HRH1: variants seen among roughly 807,000 people sequenced by gnomAD.
HRH1 encodes histamine H1 receptor.
HRH1 carries 6 observed loss-of-function variants against 10.3 expected under a neutral mutation model. The ratio of observed to expected loss-of-function variants is 0.58; its 90% CI spans 0.32 to 1.15. The LOEUF (loss-of-function observed/expected upper bound fraction) is 1.15. HRH1 is among the 50% of genes most tolerant of loss of function. The pLI, the probability that HRH1 is intolerant of heterozygous loss-of-function variation, is 0.05. For synonymous variants in HRH1, 242 were observed against 236.7 expected (o/e 1.02, Z -0.21); for missense variants, 514 against 615.3 (o/e 0.84, Z 1.74).
chr3:11,163,370 C>T (rs1468896305), intron 1 of HRH1, among the ~76,000 whole-genome samples: 1 of 152,136 alleles, frequency 6.6e-6, no homozygotes, highest in Non-Finnish European at 1.5e-5. Flanking sequence ...TGAATTTTAC[C>T]ATCTGGAAAG....
At chr3:11,181,627 C>CTTTTTTTT (rs35710248) in intron 1 of HRH1, among the ~76,000 whole-genome samples, 10 of 113,168 alleles carry the variant, frequency 8.8e-5, no homozygotes, top group Middle Eastern at 5.3e-3. Flanking sequence ...ATCCCTTGCT[C>CTTTTTTTT]TTTTTTTTTT....
At chr3:11,161,856 T>A (rs1220140038) in intron 1 of HRH1, among the ~76,000 whole-genome samples, 3 of 152,188 alleles carry the variant, frequency 2.0e-5, no homozygotes, top group Non-Finnish European at 2.9e-5. Context: ...TTTCTCCCAC[T>A]GGTCTCTCCT....
At chr3:11,224,616 C>G (rs1476678989) in intron 1 of HRH1, among the ~76,000 whole-genome samples, 1 of 151,398 alleles carries the variant, frequency 6.6e-6, no homozygotes, top group Non-Finnish European at 1.5e-5. Flanking sequence ...AGGAGAATGG[C>G]GTGAACCCAG....
At chr3:11,164,439 G>A (rs1936991662) in intron 1 of HRH1, among the ~76,000 whole-genome samples, 1 of 152,176 alleles carries the variant, frequency 6.6e-6, no homozygotes, top group Non-Finnish European at 1.5e-5. Flanking sequence ...GCACTCATCA[G>A]GATGTAAAAT....
At chr3:11,194,675 C>T (rs1187283860) in intron 1 of HRH1, among the ~76,000 whole-genome samples, 2 of 152,182 alleles carry the variant, frequency 1.3e-5, no homozygotes, top group Non-Finnish European at 2.9e-5. Context: ...ATTAGCTGGA[C>T]ATGGTGGCGT....
chr3:11,257,114 G>A (rs1447278058), intron 1 of HRH1, among the ~76,000 whole-genome samples: 3 of 151,482 alleles, frequency 2.0e-5, no homozygotes, highest in East Asian at 1.9e-4. Flanking sequence ...TTAGCTGGGC[G>A]TGGTGGTGGG....
chr3:11,259,046 C>A lies in HRH1; in HGVS notation c.9C>A (p.Leu3=). The A allele has an allele frequency of 1.3e-6, 2 of 1,596,640 alleles. No homozygotes were observed. The highest frequency in any genetic ancestry group is 1.7e-6 in the Non-Finnish European group (2 of 1,171,066). MS[L]PNSSCLLEDK... ...TGGCTGCTCTTGCGCCAATGAGCCTCCCCAATTCCTCCTGCCTCTTAGAAG... is the reference window on the plus strand; with the variant it reads ...TGGCTGCTCTTGCGCCAATGAGCCTACCCAATTCCTCCTGCCTCTTAGAAG... The change falls in exon 2 of 2, where the codon CTC becomes CTA. Residue 3 remains leucine (L), a synonymous_variant. Coordinates refer to ENST00000431010, the MANE Select transcript of HRH1 (RefSeq NM_001098212.2). The surrounding 1 kb of genome is among the most constrained non-coding windows in gnomAD (Gnocchi z 4.6).
chr3:11,176,694 T>A (rs889567976), intron 1 of HRH1, among the ~76,000 whole-genome samples: 1 of 152,144 alleles, frequency 6.6e-6, no homozygotes, highest in African/African-American at 2.4e-5. Flanking sequence ...TTACTGCACA[T>A]CTCCTCTCTG....
chr3:11,175,607 G>A (rs1049067187), intron 1 of HRH1, among the ~76,000 whole-genome samples: 10 of 152,110 alleles, frequency 6.6e-5, no homozygotes, highest in Admixed American at 2.6e-4. Context: ...GAAATAAAAG[G>A]AAAACCATTT....
chr3:11,257,559 C>CAAAAA (rs1235459388), intron 1 of HRH1, among the ~76,000 whole-genome samples: 1 of 99,602 alleles, frequency 1.0e-5, no homozygotes. Flanking sequence ...GACTCCATCT[C>CAAAAA]AAAAAAAAAA....
At chr3:11,241,057 T>G (rs550268950) in intron 1 of HRH1, among the ~76,000 whole-genome samples, 19 of 152,328 alleles carry the variant, frequency 1.2e-4, no homozygotes, top group Non-Finnish European at 2.1e-4. Context: ...ATTTTTTTAT[T>G]GAAGGAATCT....
intron 1 of HRH1, among the ~76,000 whole-genome samples, chr3:11,256,729 G>A (rs986859337): frequency 6.6e-6 from 1 of 151,852 alleles, no homozygotes; most frequent in African/African-American, 2.4e-5. Flanking sequence ...AACCTGGGAG[G>A]CAGAGGTTGC....
chr3:11,195,950 CGA>C (rs1465157057), intron 1 of HRH1, among the ~76,000 whole-genome samples: 1 of 152,224 alleles, frequency 6.6e-6, no homozygotes, highest in Non-Finnish European at 1.5e-5. Context: ...CAACAGCTTT[CGA>C]GTTTTATGCC....
chr3:11,196,121 AGCTCCTCG>A (rs1937640655), intron 1 of HRH1, among the ~76,000 whole-genome samples: 1 of 152,000 alleles, frequency 6.6e-6, no homozygotes, highest in East Asian at 1.9e-4. Context: ...TCCCTCTTAA[AGCTCCTCG>A]GTGCCCCTGG....
chr3:11,252,900 C>T (rs775310800), intron 1 of HRH1: 2 of 151,916 alleles, frequency 1.3e-5, no homozygotes, highest in Non-Finnish European at 2.9e-5. Context: ...GACCATACCT[C>T]GGGATAAATG....
At chr3:11,155,963 T>G (rs1936779918) in intron 1 of HRH1, among the ~76,000 whole-genome samples, 1 of 152,238 alleles carries the variant, frequency 6.6e-6, no homozygotes, top group Admixed American at 6.5e-5. Flanking sequence ...ATTGCCCAGC[T>G]GGTCCATGAC....
intron 1 of HRH1, among the ~76,000 whole-genome samples, chr3:11,202,611 C>T (rs1049787205): frequency 7.2e-5 from 11 of 151,946 alleles, no homozygotes; most frequent in African/African-American, 2.7e-4. Context: ...CTTTATTTTT[C>T]TTCAAGCAGT....
chr3:11,169,227 G>A (rs564895523), intron 1 of HRH1, among the ~76,000 whole-genome samples: 1 of 152,304 alleles, frequency 6.6e-6, no homozygotes, highest in South Asian at 2.1e-4. Context: ...TGGTGGGGGT[G>A]AGGAGTAAGG....
intron 1 of HRH1, among the ~76,000 whole-genome samples, chr3:11,206,262 C>G (rs1575011196): frequency 6.6e-6 from 1 of 152,382 alleles, no homozygotes; most frequent in East Asian, 1.9e-4. Context: ...GGACTACAGG[C>G]ACACGCCAAC....
Sources: allele counts gnomAD v4.1 joint callset (sites outside exome capture counted in the v4.1 genomes callset), GRCh38; gene constraint gnomAD v4.1.1; non-coding constraint Gnocchi (gnomAD v3.1); transcripts MANE v1.5; gene names NCBI Gene and HGNC (gene_info 2026-07-23, HGNC 2026-07-21).